ANKFY1: variants seen among roughly 807,000 people sequenced by gnomAD.
ANKFY1 encodes ankyrin repeat and FYVE domain containing 1, also known as ankyrin repeat and FYVE domain-containing protein 1.
Under a neutral mutation model 128.3 loss-of-function variants are expected in ANKFY1, and 47 were observed. That is an observed-to-expected ratio of 0.37 (90% CI 0.29 to 0.47). ANKFY1 has a LOEUF of 0.47. ANKFY1 is among the 20% of genes least tolerant of loss of function. The pLI is 1.00. For missense variants in ANKFY1, 1,222 were observed against 1,510.6 expected, an observed-to-expected ratio of 0.81 and a Z score of 3.17; for synonymous variants, 553 against 601.6, an observed-to-expected ratio of 0.92 and a Z score of 1.18.
rs2060224473 is a variant in ANKFY1 at position 4,216,612 on chromosome 17, T to C, written c.458+371A>G. ...CTCATTGTTTCCAACAAAGAGACTA[T>C]GACTAAGGATTTCATTCAACTTGAT... is the stretch of plus-strand genomic sequence containing the variant. On this transcript the variant is annotated intron_variant, in intron 4 of 24. Transcript: ENST00000341657. The C allele has an allele frequency of 1.2e-5, 4 of 323,942 alleles. No individual in the cohort carries two copies. The Middle Eastern group carries it at 3.3e-3, about 268-fold the overall frequency. The allele number at this position is 323,942 out of a possible 1,614,324, so 20.1% of individuals were successfully genotyped here.
chr17:4,195,426 G>A lies in ANKFY1; in HGVS notation c.1149C>T (p.Phe383=). The A allele has an allele frequency of 6.2e-7, 1 of 1,614,092 alleles. No homozygotes were observed. The change falls in exon 9 of 25, where the codon TTC becomes TTT. Residue 383 remains phenylalanine, a synonymous_variant. Transcript: ENST00000341657. ...ACTGTTTGCACTGCAGCAGCTGACT[G>A]AACACATATTCATTCCCGGCCATGA... The part of the protein sequence containing the change: ...VSIMAGNEYV[F]SQLLQCKQLD...
intron 5 of ANKFY1, among the ~76,000 whole-genome samples, chr17:4,208,934 C>A (rs1235605681): frequency 6.6e-6 from 1 of 152,048 alleles, no homozygotes; most frequent in Non-Finnish European, 1.5e-5. Flanking sequence ...TGCTGCATGC[C>A]GGTAATCCCA....
At chr17:4,219,454 A>T (rs147255590) in intron 3 of ANKFY1, among the ~76,000 whole-genome samples, 2 of 152,330 alleles carry the variant, frequency 1.3e-5, no homozygotes, top group Non-Finnish European at 2.9e-5. Flanking sequence ...CAAGTCCTCT[A>T]TGTGATTCTG....
chr17:4,191,841 A>G (rs2059723351), intron 10 of ANKFY1, among the ~76,000 whole-genome samples: 1 of 25,004 alleles, frequency 4.0e-5, no homozygotes, highest in African/African-American at 5.2e-5. Context: ...TCTAATCTGG[A>G]GACTCCTAGT....
chr17:4,179,098 T>C (rs1347607786), intron 17 of ANKFY1, 41 bp from the exon 18 acceptor site: 2 of 1,595,800 alleles, frequency 1.3e-6, no homozygotes, highest in Admixed American at 1.7e-5. Flanking sequence ...AATTGCAAGA[T>C]AAAACTCAGG....
At chr17:4,203,935 T>A (rs1202106709) in intron 7 of ANKFY1, among the ~76,000 whole-genome samples, 1 of 151,106 alleles carries the variant, frequency 6.6e-6, no homozygotes, top group Non-Finnish European at 1.5e-5. Context: ...AAGTGAAGAC[T>A]CATCTTCTTG....
intron 14 of ANKFY1, among the ~76,000 whole-genome samples, chr17:4,182,941 A>G (rs2059541758): frequency 6.6e-6 from 1 of 152,116 alleles, no homozygotes; most frequent in Admixed American, 6.6e-5. Context: ...CCCCGTCTCT[A>G]CTAAAAGTAC....
chr17:4,213,643 T>G (rs557322359), intron 4 of ANKFY1, among the ~76,000 whole-genome samples: 2 of 151,046 alleles, frequency 1.3e-5, no homozygotes, highest in African/African-American at 4.9e-5. Context: ...CTCGGCTCAC[T>G]GCAACCTCCG....
At chr17:4,225,225 T>A (rs2060405484) in intron 3 of ANKFY1, among the ~76,000 whole-genome samples, 1 of 151,944 alleles carries the variant, frequency 6.6e-6, no homozygotes, top group South Asian at 2.1e-4. Context: ...AGCGTAGTGG[T>A]GCATGCCTGT....
chr17:4,209,780 A>T (rs750859787), intron 5 of ANKFY1, 44 bp downstream of exon 5: 3 of 1,566,808 alleles, frequency 1.9e-6, no homozygotes, highest in Non-Finnish European at 2.6e-6. Context: ...CGGTCTCCTG[A>T]CTGCCAGCTA....
chr17:4,183,562 A>G lies in ANKFY1; in HGVS notation c.1799-11T>C. On this transcript the variant is annotated splice_polypyrimidine_tract_variant and intron_variant, in intron 13 of 24. Coordinates refer to ENST00000341657, the MANE Select transcript of ANKFY1 (RefSeq NM_001330063.2). ...CGATCGTGTGCATGCCTGGGAAACA[A>G]GCCCCGATCTCATCCAGGCTCGGCT... is the stretch of plus-strand genomic sequence containing the variant. The G allele has an allele frequency of 6.2e-7, 1 of 1,610,256 alleles. No individual in the cohort carries two copies. The highest frequency in any genetic ancestry group is 8.5e-7 in the Non-Finnish European group (1 of 1,178,878).
At chr17:4,252,567 A>AAC (rs1041109743) in intron 1 of ANKFY1, among the ~76,000 whole-genome samples, 4 of 151,068 alleles carry the variant, frequency 2.6e-5, no homozygotes, top group African/African-American at 9.7e-5. Flanking sequence ...CAAACAAACA[A>AAC]AAAAAAAATT....
At chr17:4,179,282 A>G (rs2059465759) in intron 17 of ANKFY1, 1 of 590,380 alleles carries the variant, frequency 1.7e-6, no homozygotes, top group Non-Finnish European at 3.0e-6. Context: ...CAGCACAAAC[A>G]TGTGTTTCAC....
chr17:4,230,080 T>C (rs2060489796), intron 3 of ANKFY1, among the ~76,000 whole-genome samples: 1 of 152,238 alleles, frequency 6.6e-6, no homozygotes, highest in South Asian at 2.1e-4. Flanking sequence ...CTTAACCTAG[T>C]AGTTCACACA....
intron 1 of ANKFY1, among the ~76,000 whole-genome samples, chr17:4,246,353 G>C (rs1399035043): frequency 1.3e-5 from 2 of 152,182 alleles, no homozygotes; most frequent in African/African-American, 4.8e-5. Context: ...TCAGTCAACA[G>C]ATTTGTCAAA....
intron 3 of ANKFY1, among the ~76,000 whole-genome samples, chr17:4,232,887 TTTTTGCCACTCTCATTCA>T (rs1388398295): frequency 2.0e-5 from 3 of 152,330 alleles, no homozygotes; most frequent in African/African-American, 7.2e-5. Context: ...CGATGTTTCG[TTTTTGCCACTCTCATTCA>T]TTTTGGTGGC....
intron 1 of ANKFY1, among the ~76,000 whole-genome samples, chr17:4,262,420 C>T (rs1019528065): frequency 6.6e-6 from 1 of 152,166 alleles, no homozygotes; most frequent in African/African-American, 2.4e-5. Context: ...TGCCACCACA[C>T]CTGGCTAACT....
Position 4,167,779 on chromosome 17 carries a change from C to A in ANKFY1, c.3510G>T (p.Ter1170TyrextTer1). The A allele has an allele frequency of 6.2e-7, 1 of 1,612,868 alleles. No individual in the cohort carries two copies. The highest frequency in any genetic ancestry group is 8.5e-7 in the Non-Finnish European group (1 of 1,179,262). ...FDVLTLGGVS* is the reference protein window; with the variant it reads ...FDVLTLGGVSY ...TGGCCTGGACCCTCCGGGGGGCTCA[C>A]TAAGAAACCCCACCCAGAGTCAGTA... Residue 1170 changes from the stop codon to tyrosine (Y), a stop_lost, in exon 25 of 25, where the codon TAG (stop) becomes TAT (tyrosine). Transcript: ENST00000341657. The surrounding 1 kb of genome is among the most constrained non-coding windows in gnomAD (Gnocchi z 4.1).
At chr17:4,235,103 G>A (rs1169536356) in intron 3 of ANKFY1, among the ~76,000 whole-genome samples, 2 of 152,148 alleles carry the variant, frequency 1.3e-5, no homozygotes, top group East Asian at 3.8e-4. Flanking sequence ...AGCACTTTGG[G>A]AGGCTGAGGT....
Sources: allele counts gnomAD v4.1 joint callset (sites outside exome capture counted in the v4.1 genomes callset), GRCh38; gene constraint gnomAD v4.1.1; non-coding constraint Gnocchi (gnomAD v3.1); transcripts MANE v1.5; gene names NCBI Gene and HGNC (gene_info 2026-07-23, HGNC 2026-07-21).